ZHX3: variants seen among roughly 807,000 people sequenced by gnomAD.
ZHX3 encodes the protein zinc fingers and homeoboxes 3.
ZHX3 carries 20 observed loss-of-function variants against 64.5 expected under a neutral mutation model. The ratio of observed to expected loss-of-function variants is 0.31; its 90% CI spans 0.22 to 0.45. ZHX3 has a LOEUF of 0.45. Ranked by LOEUF, ZHX3 falls within the 20% of genes least tolerant of loss-of-function variation. ZHX3 has a pLI of 1.00. For missense variants in ZHX3, 1,041 were observed against 1,195.8 expected (o/e 0.87, Z 1.91); for synonymous variants, 423 against 461.6 (o/e 0.92, Z 1.07).
chr20:41,187,786 C>A (rs2146114367), intron 3 of ZHX3, among the ~76,000 whole-genome samples: 1 of 152,124 alleles, frequency 6.6e-6, no homozygotes, highest in Non-Finnish European at 1.5e-5. Context: ...ATGGATTATT[C>A]TTTTATAATT....
intron 2 of ZHX3, among the ~76,000 whole-genome samples, chr20:41,233,418 G>T (rs185166517): frequency 1.3e-3 from 199 of 152,198 alleles, no homozygotes; most frequent in African/African-American, 4.6e-3. Flanking sequence ...GACATTCAAT[G>T]AGCTCAAAAA....
chr20:41,247,179 G>T (rs937411391), intron 2 of ZHX3, among the ~76,000 whole-genome samples: 4 of 151,460 alleles, frequency 2.6e-5, no homozygotes, highest in Non-Finnish European at 5.9e-5. Context: ...GAGACAGGAG[G>T]ATTGCCTGAA....
intron 1 of ZHX3, among the ~76,000 whole-genome samples, chr20:41,303,961 T>G (rs1007361312): frequency 6.6e-6 from 1 of 152,230 alleles, no homozygotes; most frequent in Admixed American, 6.5e-5. Flanking sequence ...GGTGGGATGC[T>G]GAAACATTCA....
chr20:41,230,514 T>A lies in ZHX3; in HGVS notation c.-150-25448A>T, dbSNP rs537772078. ...TAGGTACTCATGTATGTACTGAGTATCTGAAATGTGGCTAATGTGAATTGA... is the reference window on the plus strand; with the variant it reads ...TAGGTACTCATGTATGTACTGAGTAACTGAAATGTGGCTAATGTGAATTGA... On this transcript the variant is annotated intron_variant, in intron 2 of 3. Transcript: ENST00000683867. 4.9e-4 allele frequency among the ~76,000 whole-genome samples: 74 copies of A among 152,340 alleles called. No individual in the cohort carries two copies. The East Asian group carries it at 0.014, about 29-fold the overall frequency.
intron 1 of ZHX3, among the ~76,000 whole-genome samples, chr20:41,298,711 A>C (rs1568959055): frequency 6.6e-6 from 1 of 152,170 alleles, no homozygotes; most frequent in Non-Finnish European, 1.5e-5. Flanking sequence ...ATGCTAACAA[A>C]ACCTCAGGAT....
chr20:41,260,390 T>G (rs2146561416), intron 2 of ZHX3, among the ~76,000 whole-genome samples: 1 of 152,306 alleles, frequency 6.6e-6, no homozygotes, highest in Admixed American at 6.5e-5. Context: ...GAAATAAAAC[T>G]TTTACAAACT....
chr20:41,218,033 T>C (rs577600389), intron 2 of ZHX3, among the ~76,000 whole-genome samples: 4 of 152,322 alleles, frequency 2.6e-5, no homozygotes, highest in Admixed American at 1.3e-4. Context: ...CCTAGCTACT[T>C]GGGAGGCTGA....
At chr20:41,263,289 G>A (rs970058801) in intron 2 of ZHX3, among the ~76,000 whole-genome samples, 30 of 151,148 alleles carry the variant, frequency 2.0e-4, no homozygotes, top group East Asian at 1.2e-3. Flanking sequence ...TATAGACCAC[G>A]AAAAAAGAAT....
chr20:41,209,689 T>A (rs2039008300), intron 2 of ZHX3, among the ~76,000 whole-genome samples: 1 of 152,114 alleles, frequency 6.6e-6, no homozygotes, highest in South Asian at 2.1e-4. Flanking sequence ...TATACAAAAA[T>A]TAATTCGAGA....
At chr20:41,233,051 A>G (rs1294932618) in intron 2 of ZHX3, among the ~76,000 whole-genome samples, 1 of 152,242 alleles carries the variant, frequency 6.6e-6, no homozygotes, top group East Asian at 1.9e-4. Context: ...GGTACCAGGA[A>G]GCCTGTTACA....
At chr20:41,256,368 G>C (rs974670343) in intron 2 of ZHX3, among the ~76,000 whole-genome samples, 3 of 96,160 alleles carry the variant, frequency 3.1e-5, no homozygotes, top group Admixed American at 2.0e-4. Context: ...TGTAAATTGA[G>C]AATTTTTTTA....
chr20:41,256,326 C>A (rs569483477), intron 2 of ZHX3, among the ~76,000 whole-genome samples: 5 of 151,812 alleles, frequency 3.3e-5, no homozygotes, highest in African/African-American at 1.2e-4. Flanking sequence ...CTGAGAAATA[C>A]CCACTGACAG....
At chr20:41,280,713 G>A (rs1347404871) in intron 1 of ZHX3, among the ~76,000 whole-genome samples, 2 of 151,896 alleles carry the variant, frequency 1.3e-5, no homozygotes, top group East Asian at 3.9e-4. Flanking sequence ...CACTGCACCA[G>A]GCCAAAAAAA....
intron 2 of ZHX3, among the ~76,000 whole-genome samples, chr20:41,236,706 C>T (rs1174553096): frequency 6.6e-6 from 1 of 152,146 alleles, no homozygotes. Context: ...AGGACATAGG[C>T]ATGGGCAAGG....
chr20:41,184,923 A>T lies in ZHX3; in HGVS notation c.*268T>A, dbSNP rs1004017246. On this transcript the variant is annotated 3_prime_UTR_variant, in exon 4 of 4. Coordinates refer to ENST00000683867, the MANE Select transcript of ZHX3 (RefSeq NM_001384317.1). ...TGAATATGACTATGAACTCTGAACT[A>T]TTTTATCCATTGGAAGGTAAAGGAA... is the stretch of plus-strand genomic sequence containing the variant. The T allele has an allele frequency of 1.2e-5, 18 of 1,539,196 alleles. No individual in the cohort carries two copies. Among genetic ancestry groups the T allele is most frequent in the Non-Finnish European group, 1.6e-5 (18 of 1,146,378 alleles).
intron 2 of ZHX3, among the ~76,000 whole-genome samples, chr20:41,256,469 T>G (rs578254024): frequency 6.6e-6 from 1 of 151,930 alleles, no homozygotes; most frequent in South Asian, 2.1e-4. Flanking sequence ...TTAGATTTTT[T>G]CCCCTCATTT....
chr20:41,312,226 A>G (rs2045160434), intron 1 of ZHX3, among the ~76,000 whole-genome samples: 1 of 152,148 alleles, frequency 6.6e-6, no homozygotes, highest in African/African-American at 2.4e-5. Context: ...CGCACCAATC[A>G]GCACTCTGTA....
chr20:41,291,334 G>A (rs1473270974), intron 1 of ZHX3, among the ~76,000 whole-genome samples: 2 of 152,184 alleles, frequency 1.3e-5, no homozygotes, highest in African/African-American at 2.4e-5. Flanking sequence ...CCAGAGAAAG[G>A]CAAATTCAAA....
chr20:41,202,875 T>G lies in ZHX3; in HGVS notation c.2042A>C (p.Gln681Pro). The change falls in exon 3 of 4, where the codon CAG becomes CCG. Residue 681 changes from glutamine (Q) to proline (P), a missense_variant. By Grantham distance (76) the Gln-to-Pro change is moderately conservative (BLOSUM62 -1). Transcript: ENST00000683867. This position sits in a 1 kb window ranked among gnomAD's most constrained non-coding sequence, Gnocchi z 7.0. ...ATCCTCAGCAGCCTCCTCTTCCTCC[T>G]GAGAGGCATTCTCCTCAGCCTTCTT... ...ETKKAEENAS[Q>P]EEEEAAEDEG... The G allele has an allele frequency of 6.2e-7, 1 of 1,614,166 alleles. No individual in the cohort carries two copies. Among genetic ancestry groups the G allele is most frequent in the South Asian group, 1.1e-5 (1 of 91,078 alleles).
Sources: allele counts gnomAD v4.1 joint callset (sites outside exome capture counted in the v4.1 genomes callset), GRCh38; gene constraint gnomAD v4.1.1; non-coding constraint Gnocchi (gnomAD v3.1); transcripts MANE v1.5; gene names NCBI Gene and HGNC (gene_info 2026-07-23, HGNC 2026-07-21).